AFAP1L2: variants seen among roughly 807,000 people sequenced by gnomAD.
AFAP1L2 encodes the protein actin filament-associated protein 1-like 2.
Under a neutral mutation model 99.3 loss-of-function variants are expected in AFAP1L2, and 46 were observed. The ratio of observed to expected loss-of-function variants is 0.46; its 90% CI spans 0.37 to 0.59. AFAP1L2 has a LOEUF of 0.59. AFAP1L2 is among the 20% of genes least tolerant of loss of function. The pLI is 0.00. For missense variants in AFAP1L2, 959 were observed against 1,034.9 expected (o/e 0.93, Z 1.01); for synonymous variants, 397 against 419.1 (o/e 0.95, Z 0.64).
rs1454798041 is a variant in AFAP1L2 at position 114,327,168 on chromosome 10, TA to T, written c.316-3908del. 4.9e-4 allele frequency among the ~76,000 whole-genome samples: 39 copies of T among 79,944 alleles called. 3 individuals carry two copies. Among genetic ancestry groups the T allele is most frequent in the African/African-American group, 1.3e-3 (38 of 29,720 alleles). The allele number at this position is 79,944 out of a possible 152,430, so 52.4% of individuals were successfully genotyped here. On this transcript the variant is annotated intron_variant, in intron 4 of 18. Transcript: ENST00000304129. ...ATATTTATATATATATATATATATATATATATTTTTTTTTTAGGCAGAGTCT... is the reference window on the plus strand; with the variant it reads ...ATATTTATATATATATATATATATATTATATTTTTTTTTTAGGCAGAGTCT...
intron 1 of AFAP1L2, among the ~76,000 whole-genome samples, chr10:114,381,619 C>T (rs112823690): frequency 0.011 from 1,699 of 152,076 alleles, 29 homozygotes; most frequent in African/African-American, 0.039. Flanking sequence ...AAGTATAATT[C>T]TAGGGAAAGA....
the AFAP1L2 span, among the ~76,000 whole-genome samples, chr10:114,283,305 TTAGACACACAGGCAGGGTAGC>T: frequency 0.028 from 3,962 of 143,240 alleles, 87 homozygotes; most frequent in African/African-American, 0.062. Context: ...CAGCGAGCAG[TTAGACACACAGGCAGGGTAGC>T]GAGCAGTTAG....
At chr10:114,320,790 C>T (rs1427077116) in intron 5 of AFAP1L2, among the ~76,000 whole-genome samples, 1 of 152,220 alleles carries the variant, frequency 6.6e-6, no homozygotes, top group African/African-American at 2.4e-5. Flanking sequence ...GCAGGCAGGC[C>T]CCTGCTGGCC....
At chr10:114,352,479 T>TAAGAAAAAAAAAAA (rs2050670854) in intron 1 of AFAP1L2, among the ~76,000 whole-genome samples, 1 of 71,372 alleles carries the variant, frequency 1.4e-5, no homozygotes, top group African/African-American at 5.5e-5. Context: ...GTCTCCAAAT[T>TAAGAAAAAAAAAAA]AAAAAAAAAA....
Position 114,331,389 on chromosome 10 carries a change from A to G in AFAP1L2, c.315+414T>C, listed in dbSNP as rs112779212. Among the ~76,000 whole-genome samples the G allele has an allele frequency of 4.4e-3, 664 of 152,258 alleles. 4 individuals carry two copies. Among genetic ancestry groups the G allele is most frequent in the African/African-American group, 0.013 (541 of 41,524 alleles). On this transcript the variant is annotated intron_variant, in intron 4 of 18. Coordinates refer to ENST00000304129, the MANE Select transcript of AFAP1L2 (RefSeq NM_001001936.3). ...CAGTACACTACAGCATCAAATTCCT[A>G]GCCTCAAGCAAGCCTCCTGCCTCAG... is the stretch of plus-strand genomic sequence containing the variant.
At chr10:114,370,732 T>C (rs1332075088) in intron 1 of AFAP1L2, among the ~76,000 whole-genome samples, 2 of 152,194 alleles carry the variant, frequency 1.3e-5, no homozygotes, top group Admixed American at 6.5e-5. Flanking sequence ...CTTGTTCTCA[T>C]TTGAACATCA....
intron 4 of AFAP1L2, 51 bp from the exon 5 acceptor site, chr10:114,323,312 G>A (rs2045687562): frequency 2.7e-6 from 4 of 1,489,432 alleles, no homozygotes; most frequent in East Asian, 4.9e-5. Context: ...TACACTGGGA[G>A]CAACTTGGAA....
Position 114,302,435 on chromosome 10 carries a change from T to C in AFAP1L2, c.1334A>G (p.Glu445Gly). ...TTCTGGGTCTGTCTTGGAGCCTGAC[T>C]CAGAGAGCAGGAGACCCAGCCAGTG... ...MGHWLGLLLS[E>G]SGSKTDPEEF... Residue 445 changes from glutamate to glycine, a missense_variant, in exon 12 of 19, where the codon GAG becomes GGG. Physicochemically the swap from Glu to Gly is moderately conservative, Grantham distance 98. This residue lies in a region of AFAP1L2 where 576 missense variants were observed against 562.1 expected (regional missense o/e 1.02). Coordinates refer to ENST00000304129, the MANE Select transcript of AFAP1L2 (RefSeq NM_001001936.3). 6.2e-7 allele frequency: 1 copy of C among 1,614,092 alleles called. No individual in the cohort carries two copies. The highest frequency in any genetic ancestry group is 1.3e-5 in the African/African-American group (1 of 75,022).
downstream of AFAP1L2, chr10:114,290,495 C>T (rs2039471846): frequency 1.5e-6 from 2 of 1,318,652 alleles, no homozygotes; most frequent in South Asian, 2.9e-5. Context: ...AGTCGTTTAC[C>T]CACGAAACAT....
At chr10:114,381,608 A>G (rs57198810) in intron 1 of AFAP1L2, among the ~76,000 whole-genome samples, 1 of 152,294 alleles carries the variant, frequency 6.6e-6, no homozygotes, top group East Asian at 1.9e-4. Context: ...GAGATTTTTT[A>G]AAGTATAATT....
At position 114,340,742 on chromosome 10, in the gene AFAP1L2, G is replaced by C; in HGVS notation, c.17-11C>G. On this transcript the variant is annotated splice_polypyrimidine_tract_variant and intron_variant, in intron 1 of 18. Transcript: ENST00000304129. ...GCAGCTGTTCCAGGGCTAGGGACAG[G>C]AAACAGAAGAAACTTATAGTGGCTG... The C allele has an allele frequency of 1.2e-6, 2 of 1,614,112 alleles. No homozygotes were observed. The highest frequency in any genetic ancestry group is 1.3e-5 in the African/African-American group (1 of 75,044).
the AFAP1L2 span, chr10:114,286,432 G>A: frequency 1.9e-6 from 3 of 1,613,602 alleles, no homozygotes; most frequent in African/African-American, 1.3e-5. Context: ...CAAAGCATGT[G>A]ATGGTCTACT....
chr10:114,304,076 C>T (rs968076226), intron 11 of AFAP1L2, among the ~76,000 whole-genome samples: 7 of 152,208 alleles, frequency 4.6e-5, no homozygotes, highest in African/African-American at 1.4e-4. Flanking sequence ...AAGCTACAAG[C>T]TGGACCCTGG....
chr10:114,296,195 G>A, intron 18 of AFAP1L2, 127 bp from the exon 19 acceptor site: 5 of 1,323,184 alleles, frequency 3.8e-6, no homozygotes, highest in Non-Finnish European at 5.4e-6. Context: ...GGTGATAAAT[G>A]TTTCAAACCC....
rs770113287 is a variant in AFAP1L2, at chr10:114,300,697, G to A, written c.1543-7C>T. The A allele has an allele frequency of 7.0e-6, 11 of 1,579,090 alleles. No homozygotes were observed. In the East Asian group the frequency reaches 1.8e-4, roughly 26 times the overall value. ...CTTCCTCGGTAGGCTCCACCTGCAG[G>A]AGAGAGTGAGTCTGGGGCATTCAAC... On this transcript the variant is annotated splice_region_variant and splice_polypyrimidine_tract_variant and intron_variant, in intron 13 of 18. Coordinates refer to ENST00000304129, the MANE Select transcript of AFAP1L2 (RefSeq NM_001001936.3).
intron 10 of AFAP1L2, 79 bp downstream of exon 10, chr10:114,307,726 T>C: frequency 8.1e-7 from 1 of 1,239,028 alleles, no homozygotes; most frequent in Non-Finnish European, 1.2e-6. Flanking sequence ...CCCCCTGCCT[T>C]CGCTGTCTGA....
At chr10:114,378,402 A>T (rs1293573174) in intron 1 of AFAP1L2, among the ~76,000 whole-genome samples, 3 of 152,198 alleles carry the variant, frequency 2.0e-5, no homozygotes, top group Non-Finnish European at 4.4e-5. Flanking sequence ...ACACACCAAA[A>T]TCAGAGCCCC....
At chr10:114,374,803 C>T (rs1041795098) in intron 1 of AFAP1L2, among the ~76,000 whole-genome samples, 36 of 100,376 alleles carry the variant, frequency 3.6e-4, no homozygotes, top group Non-Finnish European at 5.7e-4. Context: ...GAGAGCTAGG[C>T]GTGTGGGATA....
chr10:114,290,412 C>T (rs570659644), downstream of AFAP1L2: 25 of 1,543,692 alleles, frequency 1.6e-5, no homozygotes, highest in South Asian at 2.4e-5. Flanking sequence ...GATGGTATTG[C>T]GAGTCCTGCC....
Sources: gnomAD v4.1 joint callset for allele counts (sites outside exome capture counted in the v4.1 genomes callset) on GRCh38, gnomAD v4.1.1 for gene constraint, gnomAD v4.1.1 regional missense constraint, MANE v1.5 for transcripts, NCBI Gene and HGNC (gene_info 2026-07-23, HGNC 2026-07-21) for gene names.